NRXN3: variants seen among roughly 807,000 people sequenced by gnomAD.
The protein encoded by NRXN3 is neurexin 3.
Under a neutral mutation model 137.6 loss-of-function variants are expected in NRXN3, and 32 were observed. The observed-to-expected ratio is 0.23, with a 90% CI of 0.18 to 0.31. NRXN3 has a LOEUF of 0.31. Ranked by LOEUF, NRXN3 falls within the 10% of genes least tolerant of loss-of-function variation. The probability of loss-of-function intolerance (pLI) is 1.00; values close to 1 mark genes in which losing one functional copy is unlikely to be tolerated. For synonymous variants in NRXN3, 798 were observed against 784.5 expected (o/e 1.02, Z -0.29); for missense variants, 1,574 against 2,062.5 (o/e 0.76, Z 4.59).
intron 10 of NRXN3, among the ~76,000 whole-genome samples, chr14:78,909,991 G>T (rs1034355000): frequency 6.6e-5 from 10 of 151,812 alleles, no homozygotes; most frequent in African/African-American, 2.4e-4. Context: ...TCTCCCTCTT[G>T]CCTTCTCTTT....
At position 79,679,439 on chromosome 14, in the gene NRXN3, A is replaced by G. The variant is rs186084520; in HGVS notation, c.3617-12734A>G. Among the ~76,000 whole-genome samples the G allele has an allele frequency of 5.6e-4, 86 of 152,330 alleles. No homozygotes were observed. In the Middle Eastern group the frequency reaches 0.017, roughly 30 times the overall value. Reference sequence around the variant, plus strand: ...GAAGAGGCATTGTTATTTTATGTATATGTCTCAAATGTTATAAAGGTTATA... The same window carrying G: ...GAAGAGGCATTGTTATTTTATGTATGTGTCTCAAATGTTATAAAGGTTATA... On this transcript the variant is annotated intron_variant, in intron 17 of 20. Coordinates refer to ENST00000335750, the MANE Select transcript of NRXN3 (RefSeq NM_001330195.2).
chr14:78,991,172 GA>G (rs1209398954), intron 15 of NRXN3, among the ~76,000 whole-genome samples: 2 of 152,194 alleles, frequency 1.3e-5, no homozygotes, highest in Middle Eastern at 3.2e-3. Flanking sequence ...GAATAATGAT[GA>G]AAAGGAATAT....
chr14:78,380,199 A>G lies in NRXN3; in HGVS notation c.757+82339A>G, dbSNP rs537435498. 7.9e-5 allele frequency among the ~76,000 whole-genome samples: 12 copies of G among 151,806 alleles called. No homozygotes were observed. In the South Asian group the frequency reaches 2.5e-3, roughly 32 times the overall value. On this transcript the variant is annotated intron_variant, in intron 4 of 20. Transcript: ENST00000335750. ...TCCCTGAATTGATATCCAGGTTGTA[A>G]TGAGTTGAGTTTGGCCCCTCAAAAG...
At chr14:79,226,869 G>T (rs1276080253) in intron 15 of NRXN3, among the ~76,000 whole-genome samples, 4 of 134,778 alleles carry the variant, frequency 3.0e-5, no homozygotes, top group Non-Finnish European at 4.6e-5. Context: ...AGTCTGGAGT[G>T]CAGTGACATG....
chr14:79,225,432 G>A (rs1435218951), intron 15 of NRXN3, among the ~76,000 whole-genome samples: 4 of 152,072 alleles, frequency 2.6e-5, no homozygotes, highest in African/African-American at 7.2e-5. Context: ...CGTCTTTCTC[G>A]ATATAATCCT....
intron 14 of NRXN3, among the ~76,000 whole-genome samples, chr14:78,970,610 A>G (rs541951857): frequency 6.6e-6 from 1 of 152,350 alleles, no homozygotes; most frequent in African/African-American, 2.4e-5. Flanking sequence ...ATAAAAGGGT[A>G]CTAAAATGTA....
At chr14:78,654,039 G>A (rs755169485) in intron 6 of NRXN3, among the ~76,000 whole-genome samples, 4 of 152,170 alleles carry the variant, frequency 2.6e-5, no homozygotes, top group Non-Finnish European at 4.4e-5. Flanking sequence ...TAAGGGACTC[G>A]GAAGTCTTCT....
chr14:78,593,502 C>T (rs531429275), intron 4 of NRXN3, among the ~76,000 whole-genome samples: 1 of 152,316 alleles, frequency 6.6e-6, no homozygotes, highest in Non-Finnish European at 1.5e-5. Flanking sequence ...CTTGTGACCA[C>T]AGTTATCTGG....
At chr14:79,292,208 G>T (rs1198993524) in intron 15 of NRXN3, among the ~76,000 whole-genome samples, 1 of 152,118 alleles carries the variant, frequency 6.6e-6, no homozygotes, top group Non-Finnish European at 1.5e-5. Flanking sequence ...TATAGGAGAG[G>T]CTTTTCAAAA....
intron 15 of NRXN3, among the ~76,000 whole-genome samples, chr14:79,049,051 AAAAAAAAAAAAAAAAAAAAAAAATAAT>A (rs2099637643): frequency 1.5e-5 from 1 of 65,600 alleles, no homozygotes; most frequent in African/African-American, 6.4e-5. Context: ...AAAAAAAAAA[AAAAAAAAAAAAAAAAAAAAAAAATAAT>A]AATAATAATA....
At position 79,268,613 on chromosome 14, in the gene NRXN3, C is replaced by T. The variant is rs572067721; in HGVS notation, c.3263-198608C>T. 2.6e-5 allele frequency among the ~76,000 whole-genome samples: 4 copies of T among 152,232 alleles called. No individual in the cohort carries two copies. In the South Asian group the frequency reaches 8.3e-4, roughly 32 times the overall value. The stretch of plus-strand genomic sequence containing the variant: ...AGAGAAAGCAGAAAGAAAACGTCAG[C>T]CTCTTAAGGTATGACTTAGAACTTG... On this transcript the variant is annotated intron_variant, in intron 15 of 20. Transcript: ENST00000335750.
At chr14:78,608,416 A>C (rs1158328759) in intron 4 of NRXN3, among the ~76,000 whole-genome samples, 1 of 152,222 alleles carries the variant, frequency 6.6e-6, no homozygotes, top group Non-Finnish European at 1.5e-5. Context: ...TGTGTATTAA[A>C]ACATTTCTCT....
chr14:79,417,223 A>T (rs2095509854), intron 15 of NRXN3, among the ~76,000 whole-genome samples: 1 of 152,160 alleles, frequency 6.6e-6, no homozygotes, highest in Admixed American at 6.5e-5. Context: ...GCACATCATA[A>T]GGACTAAGTT....
At position 79,010,467 on chromosome 14, in the gene NRXN3, G is replaced by T. The variant is rs1487461164; in HGVS notation, c.3262+22326G>T. Among the ~76,000 whole-genome samples, 4 of 152,120 alleles carry T rather than the reference G, an allele frequency of 2.6e-5. No individual in the cohort carries two copies. In the East Asian group the frequency reaches 5.8e-4, roughly 22 times the overall value. On this transcript the variant is annotated intron_variant, in intron 15 of 20. Transcript: ENST00000335750. ...TATGAGTGTAACTCATACCTAGGCT[G>T]ATAACAAAATCTGAAAGGTTTTTCA... is the stretch of plus-strand genomic sequence containing the variant.
intron 4 of NRXN3, among the ~76,000 whole-genome samples, chr14:78,439,435 C>T (rs745404147): frequency 1.3e-4 from 20 of 152,144 alleles, no homozygotes; most frequent in South Asian, 6.2e-4. Flanking sequence ...CATTGTTTAG[C>T]GCTCTTTGGG....
intron 15 of NRXN3, among the ~76,000 whole-genome samples, chr14:79,110,376 C>T (rs2053253553): frequency 2.0e-5 from 3 of 152,194 alleles, no homozygotes; most frequent in African/African-American, 7.2e-5. Flanking sequence ...AGATCCATTC[C>T]TTTATCATCT....
chr14:78,911,842 T>G lies in NRXN3; in HGVS notation c.2276-45400T>G, dbSNP rs987596355. ...GGTGGAGGATGGTCTGAGAGAGAGA[T>G]AAATATTTAGGCCTTAAGGAACCAC... On this transcript the variant is annotated intron_variant, in intron 10 of 20. Transcript: ENST00000335750. 9.9e-5 allele frequency among the ~76,000 whole-genome samples: 15 copies of G among 151,936 alleles called. No individual in the cohort carries two copies. The East Asian group carries it at 1.4e-3, about 14-fold the overall frequency.
At chr14:79,854,173 T>C (rs746033608) in intron 20 of NRXN3, 248 of 982,468 alleles carry the variant, frequency 2.5e-4, no homozygotes, top group Non-Finnish European at 3.0e-4. Context: ...CTTTCTTTTG[T>C]AAATTTTTCT....
Position 78,304,995 on chromosome 14 carries a change from A to T in NRXN3, c.757+7135A>T, listed in dbSNP as rs575522307. Among the ~76,000 whole-genome samples, 14 of 152,356 alleles carry T rather than the reference A, an allele frequency of 9.2e-5. No homozygotes were observed. The South Asian group carries it at 2.1e-3, about 23-fold the overall frequency. ...CAGATGATTTGGTGCATGAGTCATA[A>T]GTTTTTGACCTTTGGCTTGAGAAGA... On this transcript the variant is annotated intron_variant, in intron 4 of 20. Transcript: ENST00000335750.
Sources: gnomAD v4.1 joint callset for allele counts (sites outside exome capture counted in the v4.1 genomes callset) on GRCh38, gnomAD v4.1.1 for gene constraint, MANE v1.5 for transcripts, NCBI Gene and HGNC (gene_info 2026-07-23, HGNC 2026-07-21) for gene names.